MSL2: variants seen among roughly 807,000 people sequenced by gnomAD.
MSL2 encodes the protein E3 ubiquitin-protein ligase MSL2.
A neutral mutation model predicts 35.8 loss-of-function variants in MSL2; 2 were observed. The observed-to-expected ratio is 0.06, with a 90% CI of 0.02 to 0.18. The LOEUF (loss-of-function observed/expected upper bound fraction) is 0.18, where lower values mean the gene tolerates loss of function less well. Among genes scored for constraint, MSL2 ranks in the 10% least tolerant of loss-of-function variants. The pLI is 1.00. For synonymous variants in MSL2, 296 were observed against 255.7 expected (o/e 1.16, Z -1.50); for missense variants, 523 against 706.7 (o/e 0.74, Z 2.95).
intron 1 of MSL2, among the ~76,000 whole-genome samples, chr3:136,176,843 G>A (rs1002230237): frequency 1.1e-4 from 17 of 152,054 alleles, no homozygotes; most frequent in East Asian, 5.8e-4. Context: ...CTGCAGAACC[G>A]TGAACCAAAA....
intron 1 of MSL2, among the ~76,000 whole-genome samples, chr3:136,172,281 A>T (rs1940048518): frequency 6.6e-6 from 1 of 152,018 alleles, no homozygotes; most frequent in Non-Finnish European, 1.5e-5. Context: ...CCGACAACAC[A>T]TACACACATA....
At chr3:136,181,921 A>AAAAT (rs144747029) in intron 1 of MSL2, among the ~76,000 whole-genome samples, 3,164 of 147,342 alleles carry the variant, frequency 0.021, 66 homozygotes, top group African/African-American at 0.055. Flanking sequence ...TCTGTCTCAA[A>AAAAT]AAATAAATAA....
Position 136,152,079 on chromosome 3 carries a change from G to A in MSL2, c.802C>T (p.Leu268=). The stretch of plus-strand genomic sequence containing the variant: ...CTGCGGAGTACTTCCTCAACACTCA[G>A]TAACAGAGAGTCTCCAGGTTTTATA... The part of the protein sequence containing the change: ...EDIKPGDSLL[L]SVEEVLRSLE... The change falls in exon 2 of 2, where the codon CTG becomes TTG. Residue 268 remains leucine, a synonymous_variant. Coordinates refer to ENST00000309993, the MANE Select transcript of MSL2 (RefSeq NM_018133.4). 1.9e-6 allele frequency: 3 copies of A among 1,614,136 alleles called. No homozygotes were observed. Among genetic ancestry groups the A allele is most frequent in the Non-Finnish European group, 2.5e-6 (3 of 1,180,028 alleles).
intron 1 of MSL2, among the ~76,000 whole-genome samples, chr3:136,180,776 G>GGGAA (rs1559969144): frequency 7.7e-5 from 4 of 51,654 alleles, no homozygotes; most frequent in Non-Finnish European, 1.2e-4. Flanking sequence ...GAGGGAGGGA[G>GGGAA]GGAGGGAGGG....
chr3:136,151,910 T>A lies in MSL2; in HGVS notation c.971A>T (p.His324Leu), dbSNP rs1185198975. ...NVFMSTSPAL[H>L]GLSCTAATPK... The stretch of plus-strand genomic sequence containing the variant: ...AGTTGCTGCTGTACATGATAACCCA[T>A]GAAGTGCAGGACTGGTGGACATAAA... The change falls in exon 2 of 2, where the codon CAT becomes CTT. Residue 324 changes from histidine to leucine, a missense_variant. By Grantham distance (99) the His-to-Leu change is moderately conservative. This residue lies in a region of MSL2 where 361 missense variants were observed against 414.6 expected (regional missense o/e 0.87). Coordinates refer to ENST00000309993, the MANE Select transcript of MSL2 (RefSeq NM_018133.4). This position sits in a 1 kb window ranked among gnomAD's most constrained non-coding sequence, Gnocchi z 5.2. The A allele has an allele frequency of 1.1e-5, 17 of 1,614,036 alleles. No individual in the cohort carries two copies. The highest frequency in any genetic ancestry group is 1.4e-5 in the Non-Finnish European group (17 of 1,180,036).
chr3:136,184,484 T>C (rs1398055609), intron 1 of MSL2, among the ~76,000 whole-genome samples: 1 of 151,408 alleles, frequency 6.6e-6, no homozygotes, highest in Non-Finnish European at 1.5e-5. Context: ...GAGCCTGTAA[T>C]CCCAGCTACT....
At chr3:136,153,684 G>C (rs972970758) in intron 1 of MSL2, among the ~76,000 whole-genome samples, 1 of 152,044 alleles carries the variant, frequency 6.6e-6, no homozygotes, top group African/African-American at 2.4e-5. Context: ...CAGCTGCTAG[G>C]GAGGCTGAGG....
intron 1 of MSL2, among the ~76,000 whole-genome samples, chr3:136,189,063 A>G (rs1201143229): frequency 6.9e-6 from 1 of 145,746 alleles, no homozygotes; most frequent in South Asian, 2.2e-4. Context: ...TCCTTAGGAA[A>G]AGAGATCATA....
chr3:136,161,976 C>T (rs542353597), intron 1 of MSL2, among the ~76,000 whole-genome samples: 38 of 151,818 alleles, frequency 2.5e-4, no homozygotes, highest in African/African-American at 8.9e-4. Flanking sequence ...CTTTCTCTGT[C>T]GCCCAGGCTA....
chr3:136,159,397 T>G (rs1939635098), intron 1 of MSL2, among the ~76,000 whole-genome samples: 1 of 125,784 alleles, frequency 8.0e-6, no homozygotes, highest in African/African-American at 3.0e-5. Context: ...GGATTCTCGC[T>G]CTGTCGCCCA....
intron 1 of MSL2, among the ~76,000 whole-genome samples, chr3:136,182,170 A>T (rs1940386247): frequency 6.6e-6 from 1 of 152,216 alleles, no homozygotes; most frequent in Non-Finnish European, 1.5e-5. Flanking sequence ...TAAGGAAGCC[A>T]TTACACTCAC....
At chr3:136,184,274 C>T (rs904472926) in intron 1 of MSL2, among the ~76,000 whole-genome samples, 3 of 151,508 alleles carry the variant, frequency 2.0e-5, no homozygotes, top group South Asian at 2.1e-4. Context: ...TTAACCTGAA[C>T]GACAGAGTGA....
chr3:136,181,366 G>A (rs1486966524), intron 1 of MSL2, among the ~76,000 whole-genome samples: 1 of 151,982 alleles, frequency 6.6e-6, no homozygotes, highest in South Asian at 2.1e-4. Flanking sequence ...CATGACAGAA[G>A]GATTAAGCTG....
At chr3:136,180,834 G>GAAGGAAGA (rs1940336087) in intron 1 of MSL2, among the ~76,000 whole-genome samples, 1 of 147,594 alleles carries the variant, frequency 6.8e-6, no homozygotes, top group Non-Finnish European at 1.5e-5. Context: ...AGGAAGGAAG[G>GAAGGAAGA]AAGGAAGGAA....
rs761761323 is a variant in MSL2 at position 136,151,687 on chromosome 3, G to T, written c.1194C>A (p.Ser398Arg). ...TTTTAGTAGATAAAAGTACAGTTTT[G>T]CTGATTTTAGGTGTTGTGCCTCCAT... is the stretch of plus-strand genomic sequence containing the variant. Reference protein sequence around the residue: ...VPNGGTTPKISKTVLLSTKSM... With the variant: ...VPNGGTTPKIRKTVLLSTKSM... Residue 398 changes from serine (S) to arginine (R), a missense_variant, in exon 2 of 2, where the codon AGC (serine) becomes AGA (arginine). By Grantham distance (110) the Ser-to-Arg change is moderately radical. Transcript: ENST00000309993. The surrounding 1 kb of genome is among the most constrained non-coding windows in gnomAD (Gnocchi z 5.2). 5.6e-6 allele frequency: 9 copies of T among 1,613,956 alleles called. No individual in the cohort carries two copies. The highest frequency in any genetic ancestry group is 1.7e-5 in the Admixed American group (1 of 60,002).
At chr3:136,176,231 C>T (rs1007953142) in intron 1 of MSL2, among the ~76,000 whole-genome samples, 4 of 152,044 alleles carry the variant, frequency 2.6e-5, no homozygotes, top group Admixed American at 2.0e-4. Context: ...TTTCAGTGGC[C>T]GGCTGGGTGT....
chr3:136,188,419 C>A (rs146238098), intron 1 of MSL2, among the ~76,000 whole-genome samples: 42 of 144,802 alleles, frequency 2.9e-4, no homozygotes, highest in African/African-American at 1.1e-3. Context: ...GACAACAGAG[C>A]AAGACTCCAT....
Position 136,151,083 on chromosome 3 carries a change from A to C in MSL2, c.*64T>G. ...AGCTCCGGCAAGTTAAACCAACAGA[A>C]CCATAGCTGCCGTAAAACTGTAGCT... On this transcript the variant is annotated 3_prime_UTR_variant, in exon 2 of 2. Transcript: ENST00000309993. The surrounding 1 kb of genome is among the most constrained non-coding windows in gnomAD (Gnocchi z 5.2). The C allele has an allele frequency of 6.5e-7, 1 of 1,545,132 alleles. No individual in the cohort carries two copies. The highest frequency in any genetic ancestry group is 1.2e-5 in the South Asian group (1 of 82,564).
In MSL2 at chr3:136,175,141, C is replaced by T. The variant is rs1377856188; in HGVS notation, c.142+19831G>A. ...CAGGTGGATCACGAGGTCAGGAGTTCGATACCAGCCTGACCAACATGGTGA... is the reference window on the plus strand; with the variant it reads ...CAGGTGGATCACGAGGTCAGGAGTTTGATACCAGCCTGACCAACATGGTGA... On this transcript the variant is annotated intron_variant, in intron 1 of 1. Transcript: ENST00000309993. Among the ~76,000 whole-genome samples the T allele has an allele frequency of 7.2e-5, 11 of 151,932 alleles. No homozygotes were observed. The East Asian group carries it at 1.2e-3, about 16-fold the overall frequency.
Sources: allele counts gnomAD v4.1 joint callset (sites outside exome capture counted in the v4.1 genomes callset), GRCh38; gene constraint gnomAD v4.1.1; regional missense constraint gnomAD v4.1.1; non-coding constraint Gnocchi (gnomAD v3.1); transcripts MANE v1.5; gene names NCBI Gene and HGNC (gene_info 2026-07-23, HGNC 2026-07-21).